The following CMSS1 variants were observed in gnomAD, a reference collection of about 807,000 sequenced individuals.
CMSS1 encodes the protein cms1 ribosomal small subunit homolog, also known as protein CMSS1.
Under a neutral mutation model 43.5 loss-of-function variants are expected in CMSS1, and 33 were observed. That is an observed-to-expected ratio of 0.76 (90% CI 0.57 to 1.01). The LOEUF is 1.01. Among genes scored for constraint, CMSS1 ranks in the 50% least tolerant of loss-of-function variants. The pLI is 0.00. For missense variants in CMSS1, 313 were observed against 326.4 expected (o/e 0.96, Z 0.32); for synonymous variants, 115 against 117.2 (o/e 0.98, Z 0.12).
chr3:99,847,046 G>A (rs75357059), intron 1 of CMSS1, among the ~76,000 whole-genome samples: 103 of 152,238 alleles, frequency 6.8e-4, no homozygotes, highest in East Asian at 2.3e-3. Context: ...AGGAGGATTC[G>A]GCTGAGTTAT....
rs568507634 is a variant in CMSS1 at position 100,119,289 on chromosome 3, G to A, written c.65-27684G>A. On this transcript the variant is annotated intron_variant, in intron 1 of 9. Transcript: ENST00000421999. ...AAAGGAAAAATGAATTCTTGTAGCAGAGCTAGATCACAGGACATCAGTTTC... is the reference window on the plus strand; with the variant it reads ...AAAGGAAAAATGAATTCTTGTAGCAAAGCTAGATCACAGGACATCAGTTTC... Among the ~76,000 whole-genome samples the A allele has an allele frequency of 3.3e-5, 5 of 152,274 alleles. 1 individual carries two copies. Among genetic ancestry groups the A allele is most frequent in the African/African-American group, 1.2e-4 (5 of 41,560 alleles).
rs1452287170 is a variant in CMSS1 at position 99,902,898 on chromosome 3, G to T, written c.64+84855G>T. Among the ~76,000 whole-genome samples the T allele has an allele frequency of 2.0e-5, 3 of 152,248 alleles. No homozygotes were observed. The East Asian group carries it at 5.8e-4, about 29-fold the overall frequency. The stretch of plus-strand genomic sequence containing the variant: ...AAAGAGGAAAAAAATCTATGAAAGT[G>T]ATTTATTTAAAGCAACTAAAATCTA... On this transcript the variant is annotated intron_variant, in intron 1 of 9. Transcript: ENST00000421999.
intron 1 of CMSS1, among the ~76,000 whole-genome samples, chr3:100,039,186 C>T (rs1396347155): frequency 6.6e-6 from 1 of 152,200 alleles, no homozygotes; most frequent in Non-Finnish European, 1.5e-5. Flanking sequence ...AGACCTTTCA[C>T]TGTAGTGGTG....
chr3:100,118,971 GTGT>G (rs886644315), intron 1 of CMSS1, among the ~76,000 whole-genome samples: 7 of 152,154 alleles, frequency 4.6e-5, no homozygotes, highest in African/African-American at 1.4e-4. Flanking sequence ...TTTGGTGGTC[GTGT>G]TGTTGTTTTT....
At chr3:99,879,878 T>C (rs923665415) in intron 1 of CMSS1, among the ~76,000 whole-genome samples, 5 of 152,146 alleles carry the variant, frequency 3.3e-5, no homozygotes, top group African/African-American at 1.2e-4. Flanking sequence ...AGACCCAGGA[T>C]TGCATAGGGA....
At position 100,162,414 on chromosome 3, in the gene CMSS1, G is replaced by A. The variant is rs776833433; in HGVS notation, c.337G>A (p.Glu113Lys). The part of the protein sequence containing the change: ...YSSRRLVIEL[E>K]ELNLPDSCFL... Reference sequence around the variant, plus strand: ...CAGCAGACGCTTGGTGATTGAATTAGAAGAACTGAACCTGCCAGGTATAGC... The same window carrying A: ...CAGCAGACGCTTGGTGATTGAATTAAAAGAACTGAACCTGCCAGGTATAGC... Residue 113 changes from glutamate (E) to lysine (K), a missense_variant, in exon 4 of 10, where the codon GAA becomes AAA. Physicochemically the swap from Glu to Lys is moderately conservative, Grantham distance 56. Coordinates refer to ENST00000421999, the MANE Select transcript of CMSS1 (RefSeq NM_032359.4). The A allele has an allele frequency of 3.7e-6, 6 of 1,612,870 alleles. No homozygotes were observed. In the South Asian group the frequency reaches 4.4e-5, roughly 12 times the overall value.
At chr3:99,903,348 T>C (rs1706501962) in intron 1 of CMSS1, among the ~76,000 whole-genome samples, 1 of 151,326 alleles carries the variant, frequency 6.6e-6, no homozygotes, top group Admixed American at 6.6e-5. Context: ...GCCTCCCGGG[T>C]TCAAGCAATT....
At chr3:100,037,956 TG>T (rs1313968492) in intron 1 of CMSS1, among the ~76,000 whole-genome samples, 40 of 87,844 alleles carry the variant, frequency 4.6e-4, no homozygotes, top group Admixed American at 2.2e-3. Flanking sequence ...TTTTTTTTTT[TG>T]GGGGGGGAGG....
intron 1 of CMSS1, among the ~76,000 whole-genome samples, chr3:99,937,978 A>G (rs949726632): frequency 6.6e-6 from 1 of 152,232 alleles, no homozygotes; most frequent in Non-Finnish European, 1.5e-5. Flanking sequence ...GGAGACTCTC[A>G]TAAGAGATAG....
intron 1 of CMSS1, among the ~76,000 whole-genome samples, chr3:100,038,851 C>T (rs2065154487): frequency 6.6e-6 from 1 of 152,006 alleles, no homozygotes. Flanking sequence ...TTGTTAAGTC[C>T]AAAAGGCACA....
At chr3:99,834,364 T>C (rs1942809036) in intron 1 of CMSS1, among the ~76,000 whole-genome samples, 1 of 152,204 alleles carries the variant, frequency 6.6e-6, no homozygotes, top group Non-Finnish European at 1.5e-5. Flanking sequence ...AGTAAATAGG[T>C]GCCTTTATTC....
At chr3:100,022,946 C>T (rs139270148) in intron 1 of CMSS1, among the ~76,000 whole-genome samples, 2 of 152,334 alleles carry the variant, frequency 1.3e-5, no homozygotes, top group African/African-American at 4.8e-5. Flanking sequence ...TGCACCATAA[C>T]CATTGCAAAG....
At chr3:99,998,193 A>G (rs921960427) in intron 1 of CMSS1, among the ~76,000 whole-genome samples, 3 of 152,234 alleles carry the variant, frequency 2.0e-5, no homozygotes, top group African/African-American at 4.8e-5. Context: ...AAAAACTGCA[A>G]TTACTTTTGC....
At chr3:100,103,793 T>G (rs941806624) in intron 1 of CMSS1, among the ~76,000 whole-genome samples, 1 of 152,148 alleles carries the variant, frequency 6.6e-6, no homozygotes, top group African/African-American at 2.4e-5. Context: ...AATAACAAAT[T>G]GTTGCATTAA....
In CMSS1 at chr3:100,139,797, C is replaced by CA. The variant is rs34956600; in HGVS notation, c.65-7160dup. On this transcript the variant is annotated intron_variant, in intron 1 of 9. Coordinates refer to ENST00000421999, the MANE Select transcript of CMSS1 (RefSeq NM_032359.4). ...GGGCGACGAGAGCAAAACTCCATCT[C>CA]AAAAAAAAAAAAAAAATCCAGCCAG... 3.4e-3 allele frequency among the ~76,000 whole-genome samples: 403 copies of CA among 117,920 alleles called. 1 individual carries two copies. Among genetic ancestry groups the CA allele is most frequent in the African/African-American group, 0.011 (328 of 31,096 alleles). 77.4% of individuals were successfully genotyped at this position (117,920 alleles called of 152,430 possible). A position where few individuals can be genotyped will look rare whatever the true frequency, so the allele number is the denominator to read the frequency against.
At chr3:100,010,811 AGAGGT>A (rs1710131105) in intron 1 of CMSS1, among the ~76,000 whole-genome samples, 1 of 85,628 alleles carries the variant, frequency 1.2e-5, no homozygotes, top group Admixed American at 1.4e-4. Context: ...TATTTTTAGT[AGAGGT>A]GGGGGTTTCA....
At chr3:100,088,500 C>T (rs552053045) in intron 1 of CMSS1, among the ~76,000 whole-genome samples, 1 of 152,114 alleles carries the variant, frequency 6.6e-6, no homozygotes, top group Non-Finnish European at 1.5e-5. Flanking sequence ...ATTTCAAAAT[C>T]TTTATATTTG....
At chr3:99,818,667 A>G (rs1417880464) in intron 1 of CMSS1, among the ~76,000 whole-genome samples, 1 of 152,246 alleles carries the variant, frequency 6.6e-6, no homozygotes, top group Non-Finnish European at 1.5e-5. Flanking sequence ...AATAGAGATC[A>G]TCCTTTGAAC....
chr3:100,004,976 T>C (rs868575470), intron 1 of CMSS1, among the ~76,000 whole-genome samples: 23 of 152,170 alleles, frequency 1.5e-4, no homozygotes, highest in African/African-American at 5.3e-4. Context: ...TAGGTTCTAA[T>C]TTGCTTGCAA....
Sources: allele counts gnomAD v4.1 joint callset (sites outside exome capture counted in the v4.1 genomes callset), GRCh38; gene constraint gnomAD v4.1.1; transcripts MANE v1.5; gene names NCBI Gene and HGNC (gene_info 2026-07-23, HGNC 2026-07-21).